ERP44: variants seen among roughly 807,000 people sequenced by gnomAD.
ERP44 encodes the protein endoplasmic reticulum resident protein 44.
A neutral mutation model predicts 53.4 loss-of-function variants in ERP44; 25 were observed. That is an observed-to-expected ratio of 0.47 (90% CI 0.34 to 0.65). The LOEUF (loss-of-function observed/expected upper bound fraction) is 0.65. Ranked by LOEUF, ERP44 falls within the 30% of genes least tolerant of loss-of-function variation. The pLI is 0.01. For synonymous variants in ERP44, 145 were observed against 161.2 expected, an observed-to-expected ratio of 0.90 and a Z score of 0.76; for missense variants, 338 against 493.2, an observed-to-expected ratio of 0.69 and a Z score of 2.98.
At chr9:100,068,540 G>A (rs1331545738) in intron 1 of ERP44, among the ~76,000 whole-genome samples, 18 of 144,840 alleles carry the variant, frequency 1.2e-4, no homozygotes, top group African/African-American at 3.6e-4. Flanking sequence ...CCCCCCGCCC[G>A]GCCAGCCGCC....
chr9:100,084,796 T>C (rs1223527261), intron 1 of ERP44, among the ~76,000 whole-genome samples: 1 of 152,224 alleles, frequency 6.6e-6, no homozygotes, highest in African/African-American at 2.4e-5. Context: ...CCTGCTTATT[T>C]CCTTAAATAC....
chr9:100,086,619 GAATT>G (rs1304610564), intron 1 of ERP44, among the ~76,000 whole-genome samples: 1 of 152,140 alleles, frequency 6.6e-6, no homozygotes, highest in African/African-American at 2.4e-5. Context: ...CAATCTTGCA[GAATT>G]ATTATTCCCA....
chr9:100,069,922 T>A (rs1826280718), intron 1 of ERP44, among the ~76,000 whole-genome samples: 1 of 152,198 alleles, frequency 6.6e-6, no homozygotes, highest in African/African-American at 2.4e-5. Context: ...AAAATGAGAT[T>A]AACTAATTTA....
At chr9:100,086,757 C>T (rs1587986094) in intron 1 of ERP44, among the ~76,000 whole-genome samples, 1 of 152,150 alleles carries the variant, frequency 6.6e-6, no homozygotes, top group East Asian at 1.9e-4. Context: ...CCTTCTAGTA[C>T]TCTCAGTTAC....
intron 10 of ERP44, among the ~76,000 whole-genome samples, chr9:99,985,597 T>C (rs961273822): frequency 2.6e-5 from 4 of 152,176 alleles, no homozygotes; most frequent in Non-Finnish European, 5.9e-5. Flanking sequence ...TCTGCAGCCT[T>C]AACGTAAAGC....
chr9:100,058,196 C>G (rs1412063386), intron 2 of ERP44, among the ~76,000 whole-genome samples: 1 of 152,138 alleles, frequency 6.6e-6, no homozygotes, highest in African/African-American at 2.4e-5. Flanking sequence ...CCACTTCACC[C>G]TCCCAAGTAG....
chr9:100,068,266 C>T (rs1325399432), intron 1 of ERP44, among the ~76,000 whole-genome samples: 3 of 146,624 alleles, frequency 2.0e-5, no homozygotes, highest in Admixed American at 1.3e-4. Context: ...CGCCTCTGCC[C>T]AGCCGCCCCT....
chr9:99,999,754 C>T (rs1830358465), intron 10 of ERP44, among the ~76,000 whole-genome samples: 1 of 151,950 alleles, frequency 6.6e-6, no homozygotes, highest in Admixed American at 6.6e-5. Context: ...AATTTGTGGC[C>T]CACACTAATG....
chr9:100,090,605 C>T (rs139402536), intron 1 of ERP44, among the ~76,000 whole-genome samples: 11 of 152,032 alleles, frequency 7.2e-5, no homozygotes, highest in East Asian at 3.9e-4. Flanking sequence ...AAAAATTAGC[C>T]GGGCATGGTG....
intron 1 of ERP44, among the ~76,000 whole-genome samples, chr9:100,066,569 T>C (rs941625038): frequency 2.0e-5 from 3 of 152,210 alleles, no homozygotes; most frequent in Non-Finnish European, 2.9e-5. Flanking sequence ...TTACAAACTA[T>C]GTCTCTCCTA....
At chr9:100,049,014 T>G (rs554717180) in intron 4 of ERP44, among the ~76,000 whole-genome samples, 2 of 152,300 alleles carry the variant, frequency 1.3e-5, no homozygotes, top group South Asian at 2.1e-4. Flanking sequence ...TTTATGTATA[T>G]GTTACAATTT....
intron 3 of ERP44, 28 bp downstream of exon 3, chr9:100,057,792 A>C (rs760487528): frequency 6.3e-7 from 1 of 1,583,984 alleles, no homozygotes; most frequent in African/African-American, 1.4e-5. Context: ...TAAAAACAAA[A>C]CCAAACCCAA....
chr9:100,047,931 G>A (rs1825993073), intron 4 of ERP44, among the ~76,000 whole-genome samples: 1 of 152,162 alleles, frequency 6.6e-6, no homozygotes, highest in Admixed American at 6.5e-5. Context: ...CAAAGGAGTT[G>A]AATAAATATT....
chr9:100,041,234 C>T (rs1276780825), intron 4 of ERP44, among the ~76,000 whole-genome samples: 2 of 152,082 alleles, frequency 1.3e-5, no homozygotes, highest in Admixed American at 6.5e-5. Context: ...AATCCCATCA[C>T]CTGACTTCAA....
At chr9:99,989,753 C>G (rs531443144) in intron 10 of ERP44, among the ~76,000 whole-genome samples, 1 of 152,146 alleles carries the variant, frequency 6.6e-6, no homozygotes, top group South Asian at 2.1e-4. Flanking sequence ...GATGTTCGAA[C>G]CCATCACAAG....
chr9:99,995,741 T>C (rs529625254), intron 10 of ERP44, among the ~76,000 whole-genome samples: 28 of 152,180 alleles, frequency 1.8e-4, no homozygotes, highest in Non-Finnish European at 4.0e-4. Flanking sequence ...CCATTGTGTA[T>C]ATATAGCACA....
intron 4 of ERP44, among the ~76,000 whole-genome samples, chr9:100,024,567 G>C (rs972290351): frequency 3.3e-5 from 5 of 149,874 alleles, no homozygotes; most frequent in Admixed American, 2.6e-4. Context: ...ACTATACTTT[G>C]GTTTTATAGT....
chr9:99,992,213 A>G (rs1007649252), intron 10 of ERP44, among the ~76,000 whole-genome samples: 2 of 152,188 alleles, frequency 1.3e-5, no homozygotes, highest in African/African-American at 4.8e-5. Flanking sequence ...AGACACAACA[A>G]AAAAAGAGAA....
chr9:100,098,756 T>C (rs1465569599), intron 1 of ERP44, 28 bp downstream of exon 1: 2 of 1,605,516 alleles, frequency 1.2e-6, no homozygotes, highest in Admixed American at 3.3e-5. Flanking sequence ...CGTGCGTTTG[T>C]CGATGGGTCT....
Sources: allele counts gnomAD v4.1 joint callset (sites outside exome capture counted in the v4.1 genomes callset), GRCh38; gene constraint gnomAD v4.1.1; transcripts MANE v1.5; gene names NCBI Gene and HGNC (gene_info 2026-07-23, HGNC 2026-07-21).